Variants in RND2 observed in about 807,000 individuals in gnomAD.
The protein encoded by RND2 is rho-related GTP-binding protein RhoN.
A neutral mutation model predicts 25.9 loss-of-function variants in RND2; 16 were observed. That is an observed-to-expected ratio of 0.62 (90% CI 0.42 to 0.94). The LOEUF is 0.94. Among genes scored for constraint, RND2 ranks in the 40% least tolerant of loss-of-function variants. The pLI, the probability that RND2 is intolerant of heterozygous loss-of-function variation, is 0.00. For synonymous variants in RND2, 97 were observed against 118.1 expected (o/e 0.82, Z 1.16); for missense variants, 276 against 305.5 (o/e 0.90, Z 0.72).
chr17:43,025,519 C>A, intron 1 of RND2, 70 bp downstream of exon 1: 1 of 1,489,506 alleles, frequency 6.7e-7, no homozygotes, highest in Non-Finnish European at 9.0e-7. Context: ...GCCCTGGCGA[C>A]GGATGGGAAT....
chr17:43,031,282 A>G lies in RND2; in HGVS notation c.*2602A>G, dbSNP rs996400648. On this transcript the variant is annotated 3_prime_UTR_variant, in exon 5 of 5. Coordinates refer to ENST00000587250, the MANE Select transcript of RND2 (RefSeq NM_005440.5). ...GACTAGTTCATCTCAGCCAGTCTCA[A>G]AGATTCTAGGATAACTTCAATGGCA... 3 of 152,130 alleles carry G rather than the reference A, an allele frequency of 2.0e-5. No individual in the cohort carries two copies. Among genetic ancestry groups the G allele is most frequent in the African/African-American group, 7.2e-5 (3 of 41,432 alleles). The allele number at this position is 152,130 out of a possible 1,614,324, so 9.4% of individuals were successfully genotyped here. A position where few individuals can be genotyped will look rare whatever the true frequency, so the allele number is the denominator to read the frequency against.
At position 43,028,032 on chromosome 17, in the gene RND2, C is replaced by T. The variant is rs185512988; in HGVS notation, c.301-29C>T. 3 of 1,601,322 alleles carry T rather than the reference C, an allele frequency of 1.9e-6. No individual in the cohort carries two copies. In the East Asian group the frequency reaches 6.8e-5, roughly 36 times the overall value. On this transcript the variant is annotated intron_variant, in intron 3 of 4. Coordinates refer to ENST00000587250, the MANE Select transcript of RND2 (RefSeq NM_005440.5). ...TCACGCTGTGCCTCCCTCCACCCCT[C>T]CACAATTCTCTTTTCTTCTCCTACA...
rs754449590 is a variant in RND2, at chr17:43,025,320, C to T, written c.-28C>T. 305 of 1,506,866 alleles carry T rather than the reference C, an allele frequency of 2.0e-4. 3 individuals carry two copies. The South Asian group carries it at 3.5e-3, about 17-fold the overall frequency. 93.3% of individuals were successfully genotyped at this position (1,506,866 alleles called of 1,614,324 possible). A position where few individuals can be genotyped will look rare whatever the true frequency, so the allele number is the denominator to read the frequency against. ...GCGGCGGGGCCCGGGAGAGGGGTGGCGTGGGGGACCGGCGCGTAGCCGGGA... is the reference window on the plus strand; with the variant it reads ...GCGGCGGGGCCCGGGAGAGGGGTGGTGTGGGGGACCGGCGCGTAGCCGGGA... On this transcript the variant is annotated 5_prime_UTR_variant, in exon 1 of 5. Transcript: ENST00000587250.
chr17:43,028,079 G>C lies in RND2; in HGVS notation c.319G>C (p.Glu107Gln), dbSNP rs768639425. Residue 107 changes from glutamate (E) to glutamine (Q), a missense_variant, in exon 4 of 5, where the codon GAG (glutamate) becomes CAG (glutamine). Coordinates refer to ENST00000587250, the MANE Select transcript of RND2 (RefSeq NM_005440.5). ...VLKKWQGETQEFCPNAKVVLV... is the reference protein window; with the variant it reads ...VLKKWQGETQQFCPNAKVVLV... ...TACATAGTGGCAAGGAGAGACTCAA[G>C]AGTTCTGCCCCAATGCCAAGGTTGT... The C allele has an allele frequency of 1.2e-6, 2 of 1,614,000 alleles. No homozygotes were observed. The highest frequency in any genetic ancestry group is 3.3e-5 in the Admixed American group (2 of 60,000).
Position 43,025,949 on chromosome 17 carries a change from C to G in RND2, c.103-11C>G. On this transcript the variant is annotated splice_polypyrimidine_tract_variant and intron_variant, in intron 1 of 4. Coordinates refer to ENST00000587250, the MANE Select transcript of RND2 (RefSeq NM_005440.5). ...AGAGATGATCTCATCTGGATCCATCCGTGTCTGCAGAGTTATGTCCCCACC... is the reference window on the plus strand; with the variant it reads ...AGAGATGATCTCATCTGGATCCATCGGTGTCTGCAGAGTTATGTCCCCACC... 6.2e-7 allele frequency: 1 copy of G among 1,604,450 alleles called. No homozygotes were observed. Among genetic ancestry groups the G allele is most frequent in the Non-Finnish European group, 8.5e-7 (1 of 1,171,730 alleles).
At position 43,028,840 on chromosome 17, in the gene RND2, C is replaced by A; in HGVS notation, c.*160C>A. ...GAGCTGGAGGGCAGAAGGGTATCATCGTTTCTCATCTCCTCCTCCCTCCTC... is the reference window on the plus strand; with the variant it reads ...GAGCTGGAGGGCAGAAGGGTATCATAGTTTCTCATCTCCTCCTCCCTCCTC... On this transcript the variant is annotated 3_prime_UTR_variant, in exon 5 of 5. Coordinates refer to ENST00000587250, the MANE Select transcript of RND2 (RefSeq NM_005440.5). 2.0e-6 allele frequency: 2 copies of A among 1,003,272 alleles called. No individual in the cohort carries two copies. The highest frequency in any genetic ancestry group is 2.9e-6 in the Non-Finnish European group (2 of 701,110). The allele number at this position is 1,003,272 out of a possible 1,614,324, so 62.1% of individuals were successfully genotyped here. A position where few individuals can be genotyped will look rare whatever the true frequency, so the allele number is the denominator to read the frequency against.
Position 43,025,459 on chromosome 17 carries a change from C to A in RND2, c.102+10C>A. On this transcript the variant is annotated intron_variant, in intron 1 of 4. Transcript: ENST00000587250. ...GGACGCCTATCCCGGGGTGAGGGACCTGCGTCTTGGGAGGGGGACGCTAAG... is the reference window on the plus strand; with the variant it reads ...GGACGCCTATCCCGGGGTGAGGGACATGCGTCTTGGGAGGGGGACGCTAAG... 6.6e-7 allele frequency: 1 copy of A among 1,525,070 alleles called. No individual in the cohort carries two copies. The highest frequency in any genetic ancestry group is 1.2e-5 in the South Asian group (1 of 82,646). 94.5% of individuals were successfully genotyped at this position (1,525,070 alleles called of 1,614,324 possible).
rs2151974952 is a variant in RND2 at position 43,028,701 on chromosome 17, T to G, written c.*21T>G. The stretch of plus-strand genomic sequence containing the variant: ...TGTGAGGGGCTAGGAGAGGGCAGAG[T>G]GTGAAGAGGGGTGGTGAGGGACACA... On this transcript the variant is annotated 3_prime_UTR_variant, in exon 5 of 5. Coordinates refer to ENST00000587250, the MANE Select transcript of RND2 (RefSeq NM_005440.5). 2 of 1,539,366 alleles carry G rather than the reference T, an allele frequency of 1.3e-6. No homozygotes were observed. Among genetic ancestry groups the G allele is most frequent in the South Asian group, 2.4e-5 (2 of 84,544 alleles).
rs1443771127 is a variant in RND2 at position 43,029,687 on chromosome 17, A to T, written c.*1007A>T. ...GAGGTGGGCGGATCACAAGTTCAGG[A>T]GATCGAGACCATCCTGGCTAACACG... is the stretch of plus-strand genomic sequence containing the variant. On this transcript the variant is annotated 3_prime_UTR_variant, in exon 5 of 5. Transcript: ENST00000587250. 6.6e-6 allele frequency: 1 copy of T among 152,164 alleles called. No individual in the cohort carries two copies. The highest frequency in any genetic ancestry group is 1.5e-5 in the Non-Finnish European group (1 of 68,104). The allele number at this position is 152,164 out of a possible 1,614,324, so 9.4% of individuals were successfully genotyped here. A position where few individuals can be genotyped will look rare whatever the true frequency, so the allele number is the denominator to read the frequency against.
At chr17:43,028,004 G>A in intron 3 of RND2, 57 bp from the exon 4 acceptor site, 1 of 1,562,874 alleles carries the variant, frequency 6.4e-7, no homozygotes, top group Non-Finnish European at 8.7e-7. Context: ...ATGGCACAAA[G>A]GCTCACGCTG....
intron 2 of RND2, 73 bp downstream of exon 2, chr17:43,026,120 A>G: frequency 9.8e-7 from 1 of 1,024,692 alleles, no homozygotes; most frequent in Non-Finnish European, 1.5e-6. Flanking sequence ...TTAGACCCTT[A>G]GGTTCCAGGT....
At chr17:43,027,380 A>G (rs755286536) in intron 3 of RND2, 88 bp downstream of exon 3, 47 of 866,982 alleles carry the variant, frequency 5.4e-5, no homozygotes, top group Non-Finnish European at 8.2e-5. Flanking sequence ...GGAGGGAGTG[A>G]TGGCTGGGGT....
At chr17:43,028,298 G>C (rs2050640903) in intron 4 of RND2, 103 bp downstream of exon 4, 1 of 1,588,664 alleles carries the variant, frequency 6.3e-7, no homozygotes, top group Admixed American at 1.7e-5. Context: ...CTTTGTTCTG[G>C]TCTGTGACCT....
rs2050653847 is a variant in RND2 at position 43,029,461 on chromosome 17, T to C, written c.*781T>C. 6.6e-6 allele frequency: 1 copy of C among 152,232 alleles called. No individual in the cohort carries two copies. The highest frequency in any genetic ancestry group is 2.4e-5 in the African/African-American group (1 of 41,354). 9.4% of individuals were successfully genotyped at this position (152,232 alleles called of 1,614,324 possible). A position where few individuals can be genotyped will look rare whatever the true frequency, so the allele number is the denominator to read the frequency against. ...ATGAAGTGGGCAATTCTCAGGCCATTAGGGGGTTTTAGAGCAGACCGACAT... is the reference window on the plus strand; with the variant it reads ...ATGAAGTGGGCAATTCTCAGGCCATCAGGGGGTTTTAGAGCAGACCGACAT... On this transcript the variant is annotated 3_prime_UTR_variant, in exon 5 of 5. Transcript: ENST00000587250.
chr17:43,027,810 C>T (rs1298256401), intron 3 of RND2, among the ~76,000 whole-genome samples: 2 of 152,158 alleles, frequency 1.3e-5, no homozygotes, highest in Admixed American at 6.5e-5. Flanking sequence ...CTGGCAGACC[C>T]TTCATAGCCA....
chr17:43,026,348 G>A, intron 2 of RND2: 1 of 344,920 alleles, frequency 2.9e-6, no homozygotes, highest in South Asian at 4.4e-5. Context: ...ATAAGACTGG[G>A]TTTAGAAAAG....
At position 43,028,624 on chromosome 17, in the gene RND2, C is replaced by CG; in HGVS notation, c.633dup (p.Asn212GlufsTer2). 1.2e-6 allele frequency: 2 copies of CG among 1,611,184 alleles called. No homozygotes were observed. The highest frequency in any genetic ancestry group is 1.7e-6 in the Non-Finnish European group (2 of 1,178,710). On this transcript the variant is annotated frameshift_variant, in exon 5 of 5. Coordinates refer to ENST00000587250, the MANE Select transcript of RND2 (RefSeq NM_005440.5). LOFTEE classifies it high-confidence loss of function. The stretch of plus-strand genomic sequence containing the variant: ...CGCTCAGCTGTCAGGACGGCCAGAC[C>CG]GGGGGAATGAGGGCGAGATACACAA...
In RND2 at chr17:43,029,864, A is replaced by T. The variant is rs1048967288; in HGVS notation, c.*1184A>T. 7.1e-6 allele frequency: 1 copy of T among 141,212 alleles called. No homozygotes were observed. Among genetic ancestry groups the T allele is most frequent in the Non-Finnish European group, 1.5e-5 (1 of 66,502 alleles). 8.7% of individuals were successfully genotyped at this position (141,212 alleles called of 1,614,324 possible). A position where few individuals can be genotyped will look rare whatever the true frequency, so the allele number is the denominator to read the frequency against. ...GCTTGCAGTGAGCCGAGATTGCGCC[A>T]CTGCATTCTAGCCTGGATGACAGAG... On this transcript the variant is annotated 3_prime_UTR_variant, in exon 5 of 5. Transcript: ENST00000587250.
Position 43,028,755 on chromosome 17 carries a change from C to T in RND2, c.*75C>T, listed in dbSNP as rs12944458. The T allele has an allele frequency of 0.33, 490,009 of 1,483,652 alleles. 83,043 individuals carry two copies. Among genetic ancestry groups the T allele is most frequent in the South Asian group, 0.5 (37,639 of 75,698 alleles). 91.9% of individuals were successfully genotyped at this position (1,483,652 alleles called of 1,614,324 possible). On this transcript the variant is annotated 3_prime_UTR_variant, in exon 5 of 5. Transcript: ENST00000587250. The stretch of plus-strand genomic sequence containing the variant: ...GTTCCCCTGCCTGCGCCCAGGCTTC[C>T]TGACCTCCTGATCCTGGCTGGGAAG...
Sources: allele counts gnomAD v4.1 joint callset (sites outside exome capture counted in the v4.1 genomes callset), GRCh38; gene constraint gnomAD v4.1.1; transcripts MANE v1.5; gene names NCBI Gene and HGNC (gene_info 2026-07-23, HGNC 2026-07-21).